The following ZGRF1 variants were observed in gnomAD, a reference collection of about 807,000 sequenced individuals.
The protein encoded by ZGRF1 is zinc finger GRF-type containing 1, also known as 5'-3' DNA helicase ZGRF1.
In ZGRF1, 196 loss-of-function variants were observed where a neutral mutation model predicts 203.5. The observed-to-expected ratio is 0.96, with a 90% CI of 0.86 to 1.08. ZGRF1 has a LOEUF of 1.08. Among genes scored for constraint, ZGRF1 ranks in the 50% least tolerant of loss-of-function variants. The probability of loss-of-function intolerance (pLI) is 0.00; values close to 1 mark genes in which losing one functional copy is unlikely to be tolerated. For synonymous variants in ZGRF1, 809 were observed against 841.3 expected, an observed-to-expected ratio of 0.96 and a Z score of 0.66; for missense variants, 2,326 against 2,416.3, an observed-to-expected ratio of 0.96 and a Z score of 0.78.
At chr4:112,598,543 T>G (rs1265304587) in intron 10 of ZGRF1, among the ~76,000 whole-genome samples, 1 of 152,018 alleles carries the variant, frequency 6.6e-6, no homozygotes, top group African/African-American at 2.4e-5. Flanking sequence ...CAGAAACAAC[T>G]AATTTTACTG....
chr4:112,589,964 A>G, intron 10 of ZGRF1, 90 bp from the exon 11 acceptor site: 1 of 962,200 alleles, frequency 1.0e-6, no homozygotes, highest in Non-Finnish European at 1.5e-6. Flanking sequence ...ATATTATAAA[A>G]ATAATGATTT....
At chr4:112,633,378 T>C in intron 1 of ZGRF1, 136 bp from the exon 2 acceptor site, 1 of 569,624 alleles carries the variant, frequency 1.8e-6, no homozygotes, top group Non-Finnish European at 3.1e-6. Context: ...GAAACAGAGG[T>C]GTAATTATCT....
At chr4:112,614,859 T>C (rs757618502) in intron 6 of ZGRF1, among the ~76,000 whole-genome samples, 1 of 151,754 alleles carries the variant, frequency 6.6e-6, no homozygotes, top group South Asian at 2.1e-4. Context: ...AATAGTGCTA[T>C]CTAGTGTTCC....
chr4:112,623,671 A>C (rs1370814586), intron 4 of ZGRF1, 146 bp downstream of exon 4: 1 of 569,262 alleles, frequency 1.8e-6, no homozygotes. Context: ...ACAATATCTA[A>C]AAGGTTTTAG....
chr4:112,542,143 A>C (rs1737751794), intron 24 of ZGRF1, among the ~76,000 whole-genome samples: 1 of 152,060 alleles, frequency 6.6e-6, no homozygotes, highest in Non-Finnish European at 1.5e-5. Context: ...GGAGTTCAAG[A>C]CCTGCCTGGC....
chr4:112,553,404 C>T (rs982930223), intron 22 of ZGRF1, among the ~76,000 whole-genome samples: 1 of 152,208 alleles, frequency 6.6e-6, no homozygotes, highest in Non-Finnish European at 1.5e-5. Context: ...TATACAAACA[C>T]TAAAAGTCTT....
intron 17 of ZGRF1, 37 bp from the exon 18 acceptor site, chr4:112,562,522 A>C: frequency 8.1e-7 from 1 of 1,234,056 alleles, no homozygotes; most frequent in Non-Finnish European, 1.2e-6. Flanking sequence ...ATTTGATGTA[A>C]ATAAAATGGA....
In ZGRF1 at chr4:112,581,662, C is replaced by G; in HGVS notation, c.4438+1G>C. On this transcript the variant is annotated splice_donor_variant, in intron 16 of 27. Transcript: ENST00000505019. LOFTEE classifies it high-confidence loss of function. Reference sequence around the variant, plus strand: ...TCGCCAGTATGATCAGATCAACTTACTTTTGCTATAAGCTGAAGATCTTTC... The same window carrying G: ...TCGCCAGTATGATCAGATCAACTTAGTTTTGCTATAAGCTGAAGATCTTTC... 5 of 1,575,770 alleles carry G rather than the reference C, an allele frequency of 3.2e-6. No individual in the cohort carries two copies. The highest frequency in any genetic ancestry group is 3.4e-6 in the Non-Finnish European group (4 of 1,165,986).
At chr4:112,591,718 T>C (rs548964335) in intron 10 of ZGRF1, among the ~76,000 whole-genome samples, 2 of 152,318 alleles carry the variant, frequency 1.3e-5, no homozygotes, top group South Asian at 4.1e-4. Flanking sequence ...GATATCTGCA[T>C]GCCTTTCTCC....
At chr4:112,558,678 T>C (rs1399478943) in intron 19 of ZGRF1, among the ~76,000 whole-genome samples, 1 of 152,214 alleles carries the variant, frequency 6.6e-6, no homozygotes, top group Non-Finnish European at 1.5e-5. Context: ...TTTCTATAGG[T>C]ATAACAAATA....
intron 15 of ZGRF1, 124 bp downstream of exon 15, chr4:112,583,854 C>A: frequency 5.3e-6 from 3 of 570,832 alleles, no homozygotes; most frequent in South Asian, 3.5e-5. Flanking sequence ...GGTTTAGAAA[C>A]TGAGGTATTC....
chr4:112,582,808 G>A (rs939067261), intron 15 of ZGRF1, among the ~76,000 whole-genome samples: 2 of 152,050 alleles, frequency 1.3e-5, no homozygotes, highest in South Asian at 4.1e-4. Context: ...CAAATGACAA[G>A]ATTTCATTCT....
Position 112,548,252 on chromosome 4 carries a change from C to T in ZGRF1, c.5474+1G>A. 6.4e-7 allele frequency: 1 copy of T among 1,551,962 alleles called. No homozygotes were observed. On this transcript the variant is annotated splice_donor_variant, in intron 23 of 27. Transcript: ENST00000505019. LOFTEE classifies it high-confidence loss of function. Reference sequence around the variant, plus strand: ...CCTGGGGAAAGAATCTTTTAGGTTACCTTGCAATGGGAAGGAGAGAGGCCG... The same window carrying T: ...CCTGGGGAAAGAATCTTTTAGGTTATCTTGCAATGGGAAGGAGAGAGGCCG...
chr4:112,540,233 TTTTTC>T (rs1737301900), intron 26 of ZGRF1, 109 bp from the exon 27 acceptor site: 12 of 769,780 alleles, frequency 1.6e-5, no homozygotes, highest in African/African-American at 5.4e-5. Flanking sequence ...ATAATTTTCA[TTTTTC>T]TTTTATGACT....
intron 16 of ZGRF1, among the ~76,000 whole-genome samples, chr4:112,569,606 G>A (rs890018863): frequency 2.6e-5 from 4 of 151,968 alleles, no homozygotes; most frequent in African/African-American, 9.7e-5. Context: ...TGTTTTATTG[G>A]GGGCAGGGAT....
intron 26 of ZGRF1, among the ~76,000 whole-genome samples, chr4:112,540,526 A>T (rs1486472466): frequency 6.6e-6 from 1 of 152,230 alleles, no homozygotes; most frequent in East Asian, 1.9e-4. Context: ...ACAGAGATTC[A>T]GTCCCATCTG....
chr4:112,548,205 T>TA (rs1242472425), intron 23 of ZGRF1, 48 bp downstream of exon 23: 2 of 1,534,512 alleles, frequency 1.3e-6, no homozygotes, highest in South Asian at 2.4e-5. Context: ...CCTCCTAAAG[T>TA]GCTAGGATTA....
In ZGRF1 at chr4:112,581,693, G is replaced by A. The variant is rs768750034; in HGVS notation, c.4408C>T (p.Arg1470Trp). The A allele has an allele frequency of 2.2e-5, 35 of 1,579,266 alleles. No homozygotes were observed. The highest frequency in any genetic ancestry group is 2.7e-5 in the Non-Finnish European group (32 of 1,167,532). ...CTATAAGCTGAAGATCTTTCCTTCC[G>A]ACTTAGCTTAAGATAAAGTTTGGTT... ...PKTKLYLKLS[R>W]KERSSAYSKN... The change falls in exon 16 of 28, where the codon CGG becomes TGG. Residue 1470 changes from arginine (R) to tryptophan (W), a missense_variant. Coordinates refer to ENST00000505019, the MANE Select transcript of ZGRF1 (RefSeq NM_018392.5).
At chr4:112,604,093 G>A (rs1349548983) in intron 9 of ZGRF1, among the ~76,000 whole-genome samples, 4 of 152,010 alleles carry the variant, frequency 2.6e-5, no homozygotes, top group Admixed American at 2.6e-4. Context: ...GCGTGGTGGT[G>A]CACGCCTGTA....
Sources: gnomAD v4.1 joint callset for allele counts (sites outside exome capture counted in the v4.1 genomes callset) on GRCh38, gnomAD v4.1.1 for gene constraint, MANE v1.5 for transcripts, NCBI Gene and HGNC (gene_info 2026-07-23, HGNC 2026-07-21) for gene names.